The following HDAC3 variants were observed in gnomAD, a reference collection of about 807,000 sequenced individuals.
The protein encoded by HDAC3 is SMAP45.
In HDAC3, 21 loss-of-function variants were observed where a neutral mutation model predicts 62.3. The ratio of observed to expected loss-of-function variants is 0.34; its 90% CI spans 0.24 to 0.49. The LOEUF is 0.49. Among genes scored for constraint, HDAC3 ranks in the 20% least tolerant of loss-of-function variants. The probability of loss-of-function intolerance (pLI) is 0.99; values close to 1 mark genes in which losing one functional copy is unlikely to be tolerated. For synonymous variants in HDAC3, 198 were observed against 206.5 expected (o/e 0.96, Z 0.35); for missense variants, 270 against 556.9 (o/e 0.48, Z 5.19).
chr5:141,631,386 A>G, intron 3 of HDAC3, among the ~76,000 whole-genome samples: 1 of 152,246 alleles, frequency 6.6e-6, no homozygotes, highest in South Asian at 2.1e-4. Context: ...TGCAATTGTC[A>G]GCTCCAGGAA....
rs2099904454 is a variant in HDAC3, at chr5:141,626,588, CT to C, written c.831-306del. On this transcript the variant is annotated intron_variant, in intron 10 of 14. Coordinates refer to ENST00000305264, the MANE Select transcript of HDAC3 (RefSeq NM_003883.4). The surrounding 1 kb of genome is among the most constrained non-coding windows in gnomAD (Gnocchi z 4.6). ...GTCAATTCTAGCCTTGAAAATATAA[CT>C]CACGCCCGGCGCGGTGCTCACGCCT... 1 of 369,288 alleles carries C rather than the reference CT, an allele frequency of 2.7e-6. No individual in the cohort carries two copies. The highest frequency in any genetic ancestry group is 2.1e-5 in the African/African-American group (1 of 48,014). 22.9% of individuals were successfully genotyped at this position (369,288 alleles called of 1,614,324 possible).
At chr5:141,627,464 T>C (rs779819782) in intron 10 of HDAC3, among the ~76,000 whole-genome samples, 2 of 152,186 alleles carry the variant, frequency 1.3e-5, no homozygotes, top group Non-Finnish European at 2.9e-5. Context: ...AGTCTCCAGG[T>C]CTCAACTCAA....
chr5:141,624,556 CAAAA>C, intron 14 of HDAC3, among the ~76,000 whole-genome samples: 1 of 67,092 alleles, frequency 1.5e-5, no homozygotes, highest in Non-Finnish European at 3.0e-5. Flanking sequence ...GACCCTGTCT[CAAAA>C]AAAAAAAAAA....
At position 141,634,853 on chromosome 5, in the gene HDAC3, C is replaced by G. The variant is rs758018513; in HGVS notation, c.239G>C (p.Gly80Ala). The G allele has an allele frequency of 9.3e-6, 15 of 1,613,974 alleles. No homozygotes were observed. The highest frequency in any genetic ancestry group is 3.4e-6 in the Non-Finnish European group (4 of 1,180,008). Reference sequence around the variant, plus strand: ...GAAGGCATTAAGACTCTTGGTGAAGCCTTGCATATTGGTGGGGCTGACTCT... The same window carrying G: ...GAAGGCATTAAGACTCTTGGTGAAGGCTTGCATATTGGTGGGGCTGACTCT... Reference protein sequence around the residue: ...LQRVSPTNMQGFTKSLNAFNV... With the variant: ...LQRVSPTNMQAFTKSLNAFNV... The change falls in exon 3 of 15, where the codon GGC becomes GCC. Residue 80 changes from glycine to alanine, a missense_variant. Coordinates refer to ENST00000305264, the MANE Select transcript of HDAC3 (RefSeq NM_003883.4).
rs1491230011 is a variant in HDAC3 at position 141,636,839 on chromosome 5, CCG to C, written c.-51_-50del. On this transcript the variant is annotated 5_prime_UTR_variant, in exon 1 of 15. Transcript: ENST00000305264. The stretch of plus-strand genomic sequence containing the variant: ...CACCTCCGCCGCCCGCCGCCCGCGG[CCG>C]CCGCCAGCCCCTCCCCGGCCGTGCG... 1 of 1,394,116 alleles carries C rather than the reference CCG, an allele frequency of 7.2e-7. No individual in the cohort carries two copies. Among genetic ancestry groups the C allele is most frequent in the Non-Finnish European group, 9.3e-7 (1 of 1,071,416 alleles). The allele number at this position is 1,394,116 out of a possible 1,614,324, so 86.4% of individuals were successfully genotyped here.
At chr5:141,632,171 C>T (rs988255044) in intron 3 of HDAC3, among the ~76,000 whole-genome samples, 23 of 152,288 alleles carry the variant, frequency 1.5e-4, no homozygotes, top group Non-Finnish European at 2.2e-4. Context: ...ACTACAGGCA[C>T]GTGCCACCAC....
rs541307540 is a variant in HDAC3, at chr5:141,631,759, T to A, written c.282-1634A>T. Among the ~76,000 whole-genome samples, 8 of 152,326 alleles carry A rather than the reference T, an allele frequency of 5.3e-5. No homozygotes were observed. In the South Asian group the frequency reaches 1.7e-3, roughly 32 times the overall value. On this transcript the variant is annotated intron_variant, in intron 3 of 14. Coordinates refer to ENST00000305264, the MANE Select transcript of HDAC3 (RefSeq NM_003883.4). ...ACTGTTTAACCTTTCTGTGCTTAAGTGTCCTCATCGGTAAAAGGAAACAAT... is the reference window on the plus strand; with the variant it reads ...ACTGTTTAACCTTTCTGTGCTTAAGAGTCCTCATCGGTAAAAGGAAACAAT...
Position 141,636,796 on chromosome 5 carries a change from C to T in HDAC3, c.-6G>A, listed in dbSNP as rs760382164. On this transcript the variant is annotated 5_prime_UTR_variant, in exon 1 of 15. Transcript: ENST00000305264. ...TAGGCCACGGTCTTGGCCATGGTGC[C>T]GGCGGGAGCAGGCCCCGCACCTCCG... The T allele has an allele frequency of 3.1e-6, 5 of 1,601,580 alleles. No individual in the cohort carries two copies. The highest frequency in any genetic ancestry group is 2.2e-5 in the South Asian group (2 of 89,552).
At chr5:141,630,739 G>A (rs1392227380) in intron 3 of HDAC3, among the ~76,000 whole-genome samples, 2 of 152,072 alleles carry the variant, frequency 1.3e-5, no homozygotes, top group Non-Finnish European at 2.9e-5. Context: ...TAAAATACAA[G>A]GACAGACATC....
intron 3 of HDAC3, among the ~76,000 whole-genome samples, chr5:141,634,391 C>T (rs2099905680): frequency 6.6e-6 from 1 of 152,098 alleles, no homozygotes; most frequent in Non-Finnish European, 1.5e-5. Context: ...GTCCCTACTG[C>T]CTGCTATACT....
In HDAC3 at chr5:141,625,560, A is replaced by C; in HGVS notation, c.1059+125T>G. 8.8e-7 allele frequency: 1 copy of C among 1,135,088 alleles called. No individual in the cohort carries two copies. 70.3% of individuals were successfully genotyped at this position (1,135,088 alleles called of 1,614,324 possible). A position where few individuals can be genotyped will look rare whatever the true frequency, so the allele number is the denominator to read the frequency against. On this transcript the variant is annotated intron_variant, in intron 13 of 14. Transcript: ENST00000305264. This position sits in a 1 kb window ranked among gnomAD's most constrained non-coding sequence, Gnocchi z 4.0. ...TTTAAACTGGACTGCCTCCTAGTCA[A>C]TAACAGTGACTGTGATGGCTTAGAA...
intron 14 of HDAC3, chr5:141,624,994 C>T (rs1194581686): frequency 3.4e-5 from 18 of 533,050 alleles, no homozygotes; most frequent in East Asian, 2.0e-4. Flanking sequence ...ATTGTGTGAA[C>T]GCCAACACCA....
At chr5:141,636,518 C>T in intron 2 of HDAC3, 30 bp downstream of exon 2, 3 of 1,608,658 alleles carry the variant, frequency 1.9e-6, no homozygotes. Context: ...GCCCCACCCC[C>T]CAACCCCCGG....
Position 141,629,456 on chromosome 5 carries a change from TC to T in HDAC3, c.477-151del. 8.9e-7 allele frequency: 1 copy of T among 1,129,348 alleles called. No individual in the cohort carries two copies. Among genetic ancestry groups the T allele is most frequent in the Non-Finnish European group, 1.3e-6 (1 of 782,236 alleles). The allele number at this position is 1,129,348 out of a possible 1,614,324, so 70.0% of individuals were successfully genotyped here. A position where few individuals can be genotyped will look rare whatever the true frequency, so the allele number is the denominator to read the frequency against. ...CAGTTCCCTAAAGGCAACTGGGGGCTCCAGCCTAGAGGCTAGAGGCAGGGAC... is the reference window on the plus strand; with the variant it reads ...CAGTTCCCTAAAGGCAACTGGGGGCTCAGCCTAGAGGCTAGAGGCAGGGAC... On this transcript the variant is annotated intron_variant, in intron 6 of 14. Transcript: ENST00000305264. This position sits in a 1 kb window ranked among gnomAD's most constrained non-coding sequence, Gnocchi z 5.3.
chr5:141,621,427 G>A lies in HDAC3; in HGVS notation c.*41C>T, dbSNP rs764487867. 2 of 1,581,252 alleles carry A rather than the reference G, an allele frequency of 1.3e-6. No homozygotes were observed. Among genetic ancestry groups the A allele is most frequent in the South Asian group, 1.1e-5 (1 of 90,414 alleles). ...CTTTTCCCTCCAGCCCAACCAAGAG[G>A]TGAAAAGAAATTCCTTGGGACACAG... On this transcript the variant is annotated 3_prime_UTR_variant, in exon 15 of 15. Coordinates refer to ENST00000305264, the MANE Select transcript of HDAC3 (RefSeq NM_003883.4).
intron 14 of HDAC3, among the ~76,000 whole-genome samples, chr5:141,623,012 A>T (rs139079594): frequency 0.015 from 2,230 of 152,134 alleles, 43 homozygotes; most frequent in African/African-American, 0.051. Flanking sequence ...TAATCCAGCT[A>T]CTTGGGAGGC....
At chr5:141,627,586 T>C (rs560675715) in intron 10 of HDAC3, among the ~76,000 whole-genome samples, 8 of 152,352 alleles carry the variant, frequency 5.3e-5, no homozygotes, top group African/African-American at 1.4e-4. Context: ...TAAGAATCTA[T>C]TTATTTCATT....
Position 141,629,089 on chromosome 5 carries a change from A to C in HDAC3, c.610+84T>G, listed in dbSNP as rs1173245441. 2.1e-6 allele frequency: 3 copies of C among 1,428,008 alleles called. No individual in the cohort carries two copies. In the African/African-American group the frequency reaches 4.2e-5, roughly 20 times the overall value. The allele number at this position is 1,428,008 out of a possible 1,614,324, so 88.5% of individuals were successfully genotyped here. On this transcript the variant is annotated intron_variant, in intron 7 of 14. Coordinates refer to ENST00000305264, the MANE Select transcript of HDAC3 (RefSeq NM_003883.4). The surrounding 1 kb of genome is among the most constrained non-coding windows in gnomAD (Gnocchi z 5.3). ...GGCTTCTCTGAGGAGGGGACACCTG[A>C]GATGAGACTAGAAGGCTGAGAAGGA... is the stretch of plus-strand genomic sequence containing the variant.
In HDAC3 at chr5:141,629,931, C is replaced by A; in HGVS notation, c.364-15G>T. The A allele has an allele frequency of 6.2e-7, 1 of 1,614,196 alleles. No individual in the cohort carries two copies. Among genetic ancestry groups the A allele is most frequent in the Non-Finnish European group, 8.5e-7 (1 of 1,180,036 alleles). Reference sequence around the variant, plus strand: ...ATATCACAGATCTGAAAGACAAACACCTAAGTCACAGTCCTTCCTGCCCAC... The same window carrying A: ...ATATCACAGATCTGAAAGACAAACAACTAAGTCACAGTCCTTCCTGCCCAC... On this transcript the variant is annotated splice_polypyrimidine_tract_variant and intron_variant, in intron 4 of 14. Coordinates refer to ENST00000305264, the MANE Select transcript of HDAC3 (RefSeq NM_003883.4). This position sits in a 1 kb window ranked among gnomAD's most constrained non-coding sequence, Gnocchi z 5.3.
Sources: gnomAD v4.1 joint callset for allele counts (sites outside exome capture counted in the v4.1 genomes callset) on GRCh38, gnomAD v4.1.1 for gene constraint, Gnocchi (gnomAD v3.1) non-coding constraint, MANE v1.5 for transcripts, NCBI Gene and HGNC (gene_info 2026-07-23, HGNC 2026-07-21) for gene names.